DNAH3: variants seen among roughly 807,000 people sequenced by gnomAD.
The protein encoded by DNAH3 is dynein axonemal heavy chain 3.
DNAH3 carries 332 observed loss-of-function variants against 432.5 expected under a neutral mutation model. The observed-to-expected ratio is 0.77, with a 90% CI of 0.70 to 0.84. The LOEUF (loss-of-function observed/expected upper bound fraction) is 0.84. DNAH3 is among the 40% of genes least tolerant of loss of function. The pLI is 0.00. For missense variants in DNAH3, 4,861 were observed against 5,114.0 expected, an observed-to-expected ratio of 0.95 and a Z score of 1.51; for synonymous variants, 1,956 against 1,900.2, an observed-to-expected ratio of 1.03 and a Z score of -0.76.
At chr16:21,001,223 G>A (rs183704715) in intron 42 of DNAH3, among the ~76,000 whole-genome samples, 3 of 152,146 alleles carry the variant, frequency 2.0e-5, no homozygotes, top group Admixed American at 2.0e-4. Flanking sequence ...CCGGGTCTCG[G>A]GCTCCTGGAA....
chr16:21,134,712 G>A (rs530738117), intron 6 of DNAH3, among the ~76,000 whole-genome samples: 8 of 151,838 alleles, frequency 5.3e-5, no homozygotes, highest in East Asian at 3.9e-4. Flanking sequence ...ATGGAGTCTC[G>A]CTCTGTCGCC....
chr16:21,154,430 TG>T (rs1201698509), intron 1 of DNAH3, among the ~76,000 whole-genome samples: 1 of 151,936 alleles, frequency 6.6e-6, no homozygotes, highest in Non-Finnish European at 1.5e-5. Context: ...AGAATGGTCC[TG>T]ATGTGGAGCT....
chr16:21,084,836 C>T (rs183900843), intron 19 of DNAH3, among the ~76,000 whole-genome samples: 20 of 152,258 alleles, frequency 1.3e-4, no homozygotes, highest in Admixed American at 1.3e-3. Flanking sequence ...CCAGGTGGAG[C>T]AGATGGCTTT....
At chr16:20,948,717 T>C (rs930228270) in intron 56 of DNAH3, 80 bp from the exon 57 acceptor site, 1 of 1,482,430 alleles carries the variant, frequency 6.7e-7, no homozygotes, top group African/African-American at 1.4e-5. Flanking sequence ...AACACGGCAT[T>C]CTTCCGGCCA....
chr16:21,020,005 C>A, intron 40 of DNAH3, 136 bp from the exon 41 acceptor site: 1 of 933,768 alleles, frequency 1.1e-6, no homozygotes, highest in East Asian at 2.5e-5. Flanking sequence ...TATCACCTAC[C>A]AGATCATTTC....
rs368873434 is a variant in DNAH3 at position 21,147,312 on chromosome 16, C to G, written c.118-1224G>C. ...TTAGCTCACTGCAACTGCTGCTTCC[C>G]AGGTTCAAGCAATCCTCCTGCCTCA... On this transcript the variant is annotated intron_variant, in intron 1 of 61. Coordinates refer to ENST00000261383, the Ensembl canonical transcript of DNAH3. Among the ~76,000 whole-genome samples, 19 of 151,840 alleles carry G rather than the reference C, an allele frequency of 1.3e-4. 1 individual carries two copies. In the South Asian group the frequency reaches 4.0e-3, roughly 32 times the overall value.
intron 44 of DNAH3, among the ~76,000 whole-genome samples, chr16:20,993,410 A>T (rs1280748849): frequency 6.6e-6 from 1 of 152,166 alleles, no homozygotes; most frequent in African/African-American, 2.4e-5. Flanking sequence ...TGATTACCTG[A>T]AATCCATTTT....
chr16:21,091,574 T>C (rs958167600), intron 18 of DNAH3, among the ~76,000 whole-genome samples: 4 of 152,292 alleles, frequency 2.6e-5, no homozygotes, highest in African/African-American at 9.6e-5. Flanking sequence ...TCCCAGCACT[T>C]TGGGAGGCCA....
At chr16:21,083,254 G>A (rs939024585) in intron 19 of DNAH3, among the ~76,000 whole-genome samples, 2 of 152,122 alleles carry the variant, frequency 1.3e-5, no homozygotes, top group African/African-American at 4.8e-5. Flanking sequence ...GACCTCAGGT[G>A]ATTTGTCTGC....
intron 20 of DNAH3, among the ~76,000 whole-genome samples, chr16:21,079,623 T>C (rs974837159): frequency 6.6e-6 from 1 of 151,876 alleles, no homozygotes; most frequent in African/African-American, 2.4e-5. Flanking sequence ...GGACACAGAG[T>C]GAGACTCTGT....
intron 33 of DNAH3, among the ~76,000 whole-genome samples, chr16:21,039,311 A>G (rs1378670503): frequency 7.1e-6 from 1 of 141,204 alleles, no homozygotes; most frequent in East Asian, 2.2e-4. Context: ...CTCCGCCTCC[A>G]CGGTTCAAGT....
intron 32 of DNAH3, among the ~76,000 whole-genome samples, chr16:21,040,248 C>T (rs1377947746): frequency 2.0e-5 from 3 of 151,608 alleles, no homozygotes; most frequent in East Asian, 1.9e-4. Context: ...AATGAGGACA[C>T]CTCATAGCAT....
chr16:21,030,526 C>A (rs1276970124), intron 37 of DNAH3, among the ~76,000 whole-genome samples: 2 of 152,150 alleles, frequency 1.3e-5, no homozygotes, highest in Non-Finnish European at 1.5e-5. Context: ...AAAAGAGAGA[C>A]CAACTGGCCA....
At chr16:20,985,155 C>T (rs1274918268) in exon 48 of DNAH3, 5 of 1,614,238 alleles carry the variant, frequency 3.1e-6, no homozygotes, top group Non-Finnish European at 4.2e-6. Flanking sequence ...CAGTCTGCAT[C>T]TTCTCCACGA....
intron 25 of DNAH3, among the ~76,000 whole-genome samples, chr16:21,061,738 A>G (rs2090368803): frequency 6.6e-6 from 1 of 152,132 alleles, no homozygotes; most frequent in Non-Finnish European, 1.5e-5. Flanking sequence ...CCACCCCTAG[A>G]CTTCCTGATT....
At chr16:21,039,819 T>C (rs762939497) in intron 33 of DNAH3, 33 bp downstream of exon 33, 1 of 1,504,532 alleles carries the variant, frequency 6.6e-7, no homozygotes, top group Admixed American at 1.7e-5. Flanking sequence ...TTTAAAGTCC[T>C]TTAGAATGCA....
At chr16:21,144,842 G>T (rs142086977) in intron 3 of DNAH3, among the ~76,000 whole-genome samples, 35 of 152,230 alleles carry the variant, frequency 2.3e-4, no homozygotes, top group South Asian at 8.3e-4. Context: ...TCCAGGCCAG[G>T]CACAGTGGCT....
intron 32 of DNAH3, among the ~76,000 whole-genome samples, chr16:21,040,358 A>ATCTTTTTTTTTTTTTTTTTTTTTTT (rs771791969): frequency 5.0e-5 from 4 of 79,744 alleles, no homozygotes; most frequent in African/African-American, 2.3e-4. Flanking sequence ...AGCCAGACAG[A>ATCTTTTTTTTTTTTTTTTTTTTTTT]TTTTTTTTTT....
chr16:20,989,572 T>G (rs1050093704), intron 44 of DNAH3, among the ~76,000 whole-genome samples: 14 of 152,262 alleles, frequency 9.2e-5, no homozygotes, highest in African/African-American at 2.4e-4. Flanking sequence ...GGAGCCCAGC[T>G]GGCTTCACCT....
Sources: allele counts gnomAD v4.1 joint callset (sites outside exome capture counted in the v4.1 genomes callset), GRCh38; gene constraint gnomAD v4.1.1; transcripts MANE v1.5; gene names NCBI Gene and HGNC (gene_info 2026-07-23, HGNC 2026-07-21).